Variants in CACNB2 observed in about 807,000 individuals in gnomAD.
CACNB2 encodes the protein calcium voltage-gated channel auxiliary subunit beta 2.
In CACNB2, 42 loss-of-function variants were observed where a neutral mutation model predicts 73.3. The ratio of observed to expected loss-of-function variants is 0.57; its 90% CI spans 0.45 to 0.74. CACNB2 has a LOEUF of 0.74. Ranked by LOEUF, CACNB2 falls within the 30% of genes least tolerant of loss-of-function variation. The probability of loss-of-function intolerance (pLI) is 0.00; values close to 1 mark genes in which losing one functional copy is unlikely to be tolerated. For synonymous variants in CACNB2, 348 were observed against 310.3 expected (o/e 1.12, Z -1.28); for missense variants, 940 against 853.0 (o/e 1.10, Z -1.27).
At chr10:18,338,669 T>C (rs975785310) in intron 2 of CACNB2, among the ~76,000 whole-genome samples, 8 of 109,982 alleles carry the variant, frequency 7.3e-5, no homozygotes, top group Middle Eastern at 4.3e-3. Flanking sequence ...TTTTCTTTTT[T>C]TCTCTCTCCT....
intron 2 of CACNB2, among the ~76,000 whole-genome samples, chr10:18,341,271 C>A (rs1460336229): frequency 6.6e-6 from 1 of 152,100 alleles, no homozygotes; most frequent in Non-Finnish European, 1.5e-5. Flanking sequence ...AATGCTTTTT[C>A]CAGCTATAGA....
At chr10:18,376,324 A>G (rs2042796954) in intron 2 of CACNB2, among the ~76,000 whole-genome samples, 1 of 152,116 alleles carries the variant, frequency 6.6e-6, no homozygotes, top group South Asian at 2.1e-4. Flanking sequence ...GGAGATAGAG[A>G]GTAGAAGCAT....
chr10:18,392,331 G>A (rs2043516431), intron 2 of CACNB2, among the ~76,000 whole-genome samples: 1 of 152,176 alleles, frequency 6.6e-6, no homozygotes, highest in Non-Finnish European at 1.5e-5. Context: ...AATGAAGAGA[G>A]GACAGGGGAT....
intron 2 of CACNB2, among the ~76,000 whole-genome samples, chr10:18,189,269 C>T (rs1450157050): frequency 6.6e-6 from 1 of 152,064 alleles, no homozygotes. Flanking sequence ...ATGAACGTGT[C>T]ATTAAAAATA....
intron 2 of CACNB2, among the ~76,000 whole-genome samples, chr10:18,380,734 A>G (rs1205035270): frequency 1.3e-5 from 2 of 151,714 alleles, no homozygotes; most frequent in Non-Finnish European, 1.5e-5. Flanking sequence ...GGGTTATAAG[A>G]ATGAGCCACC....
intron 2 of CACNB2, chr10:18,260,900 C>G: frequency 9.0e-7 from 1 of 1,117,312 alleles, no homozygotes; most frequent in Non-Finnish European, 1.1e-6. Context: ...TTGAGAATGG[C>G]TACTGTAAAA....
intron 2 of CACNB2, among the ~76,000 whole-genome samples, chr10:18,386,012 A>G (rs1291450092): frequency 1.3e-5 from 2 of 152,212 alleles, no homozygotes; most frequent in Non-Finnish European, 2.9e-5. Context: ...ATTATGGATC[A>G]AAGGTAGGTT....
Position 18,539,526 on chromosome 10 carries a change from C to T in CACNB2, c.1785C>T (p.His595=), listed in dbSNP as rs61733967. 2,356 of 1,613,866 alleles carry T rather than the reference C, an allele frequency of 1.5e-3. 29 individuals carry two copies. The African/African-American group carries it at 0.028, about 19-fold the overall frequency. Residue 595 remains histidine (H), a synonymous_variant, in exon 14 of 14, where the codon CAC becomes CAT. Coordinates refer to ENST00000324631, the MANE Select transcript of CACNB2 (RefSeq NM_201596.3). The stretch of plus-strand genomic sequence containing the variant: ...ACCACAACCACAGAGACGAGACCCA[C>T]GGGAGCAGTGACCACAGACACAGGG... ...HRDHNHRDET[H]GSSDHRHRES...
At chr10:18,415,867 T>C (rs1464723364) in intron 3 of CACNB2, among the ~76,000 whole-genome samples, 1 of 152,198 alleles carries the variant, frequency 6.6e-6, no homozygotes, top group African/African-American at 2.4e-5. Flanking sequence ...TCTGAAACTC[T>C]ATATCATCTG....
chr10:18,320,760 T>C (rs1241454363), intron 2 of CACNB2, among the ~76,000 whole-genome samples: 2 of 152,232 alleles, frequency 1.3e-5, no homozygotes, highest in Non-Finnish European at 2.9e-5. Context: ...AACTATTGGC[T>C]ATTATTTACT....
intron 2 of CACNB2, among the ~76,000 whole-genome samples, chr10:18,197,163 A>T (rs569278209): frequency 1.2e-4 from 19 of 152,170 alleles, no homozygotes; most frequent in Non-Finnish European, 2.5e-4. Context: ...CTTTGATGGC[A>T]GGCCTGTGTT....
At chr10:18,286,443 T>G (rs1003970174) in intron 2 of CACNB2, among the ~76,000 whole-genome samples, 4 of 136,980 alleles carry the variant, frequency 2.9e-5, no homozygotes, top group Admixed American at 2.5e-4. Context: ...GCGTGAACCC[T>G]GCAGGTGGAG....
At chr10:18,296,626 C>T (rs1020715251) in intron 2 of CACNB2, among the ~76,000 whole-genome samples, 4 of 152,058 alleles carry the variant, frequency 2.6e-5, no homozygotes, top group Non-Finnish European at 4.4e-5. Flanking sequence ...CCTGCCACTA[C>T]CGATTATATT....
chr10:18,342,648 C>CTTAT (rs2041279336), intron 2 of CACNB2, among the ~76,000 whole-genome samples: 1 of 152,090 alleles, frequency 6.6e-6, no homozygotes, highest in Non-Finnish European at 1.5e-5. Context: ...TTGAATAGGG[C>CTTAT]TTATAAACAC....
intron 3 of CACNB2, among the ~76,000 whole-genome samples, chr10:18,410,680 G>A (rs1184463652): frequency 6.6e-6 from 1 of 151,838 alleles, no homozygotes; most frequent in African/African-American, 2.4e-5. Flanking sequence ...GGCTACTTAT[G>A]GGGAAAAAAA....
At chr10:18,373,699 C>T (rs2132310149) in intron 2 of CACNB2, among the ~76,000 whole-genome samples, 1 of 152,274 alleles carries the variant, frequency 6.6e-6, no homozygotes, top group East Asian at 1.9e-4. Context: ...CCTAGATGTT[C>T]CTTCAGATTT....
At chr10:18,308,459 C>G (rs2039831087) in intron 2 of CACNB2, among the ~76,000 whole-genome samples, 1 of 152,198 alleles carries the variant, frequency 6.6e-6, no homozygotes, top group South Asian at 2.1e-4. Flanking sequence ...TCACTCTCCT[C>G]CCGCCCTCCG....
chr10:18,433,643 G>A (rs2045993658), intron 3 of CACNB2, among the ~76,000 whole-genome samples: 1 of 151,708 alleles, frequency 6.6e-6, no homozygotes, highest in Admixed American at 6.6e-5. Context: ...ATGGGTCTGT[G>A]AGTGATATTT....
chr10:18,384,689 C>T (rs2043151160), intron 2 of CACNB2, among the ~76,000 whole-genome samples: 1 of 151,542 alleles, frequency 6.6e-6, no homozygotes, highest in Non-Finnish European at 1.5e-5. Flanking sequence ...GAGATATTGC[C>T]ATTGTACTCC....
Sources: allele counts gnomAD v4.1 joint callset (sites outside exome capture counted in the v4.1 genomes callset), GRCh38; gene constraint gnomAD v4.1.1; transcripts MANE v1.5; gene names NCBI Gene and HGNC (gene_info 2026-07-23, HGNC 2026-07-21).